Variants in SLC39A11 observed in about 807,000 individuals in gnomAD.
SLC39A11 encodes the protein solute carrier family 39 member 11, also known as zinc transporter ZIP11.
SLC39A11 carries 33 observed loss-of-function variants against 36.1 expected under a neutral mutation model. That is an observed-to-expected ratio of 0.91 (90% CI 0.69 to 1.22). SLC39A11 has a LOEUF of 1.22. SLC39A11 is among the 50% of genes most tolerant of loss of function. SLC39A11 has a pLI of 0.00. For missense variants in SLC39A11, 432 were observed against 430.3 expected, an observed-to-expected ratio of 1.00 and a Z score of -0.03; for synonymous variants, 166 against 170.3, an observed-to-expected ratio of 0.97 and a Z score of 0.20.
At chr17:72,910,798 G>A (rs1381492957) in intron 5 of SLC39A11, among the ~76,000 whole-genome samples, 2 of 151,416 alleles carry the variant, frequency 1.3e-5, no homozygotes, top group Middle Eastern at 3.4e-3. Context: ...GTGATGGCAG[G>A]CACCTTTAAT....
intron 4 of SLC39A11, among the ~76,000 whole-genome samples, chr17:72,972,253 G>T (rs1186512600): frequency 7.2e-5 from 11 of 152,120 alleles, no homozygotes; most frequent in Admixed American, 7.2e-4. Context: ...GGCCCATCAT[G>T]TCCAGAGAGC....
intron 6 of SLC39A11, among the ~76,000 whole-genome samples, chr17:72,838,543 T>A (rs1268772299): frequency 6.6e-6 from 1 of 152,194 alleles, no homozygotes; most frequent in Admixed American, 6.5e-5. Flanking sequence ...AATTGTGAAC[T>A]TTAAAAGGGT....
intron 2 of SLC39A11, among the ~76,000 whole-genome samples, chr17:73,085,529 G>C (rs9302954): frequency 0.8 from 120,830 of 151,658 alleles, 48,227 homozygotes; most frequent in East Asian, 0.88. Context: ...GCCTGTAATC[G>C]CAGCTACTTG....
intron 6 of SLC39A11, among the ~76,000 whole-genome samples, chr17:72,790,075 C>A (rs1268283140): frequency 3.3e-5 from 5 of 152,234 alleles, no homozygotes; most frequent in African/African-American, 1.2e-4. Context: ...AGGGAGGCTA[C>A]TTATCTGCTG....
At position 73,043,609 on chromosome 17, in the gene SLC39A11, C is replaced by T. The variant is rs2059178545; in HGVS notation, c.148-11895G>A. Among the ~76,000 whole-genome samples the T allele has an allele frequency of 3.3e-5, 5 of 152,110 alleles. No individual in the cohort carries two copies. In the South Asian group the frequency reaches 1.0e-3, roughly 31 times the overall value. On this transcript the variant is annotated intron_variant, in intron 3 of 9. Transcript: ENST00000255559. ...TTTTGGAAGGGTAACTTGGCATCAG[C>T]AAGCAGAATTGATTTAAGTGGGGAG...
At chr17:72,745,373 A>G (rs1439129672) in intron 6 of SLC39A11, among the ~76,000 whole-genome samples, 9 of 152,240 alleles carry the variant, frequency 5.9e-5, no homozygotes, top group Non-Finnish European at 1.0e-4. Flanking sequence ...CTGTCAGATC[A>G]TCTCAGCAAT....
At position 72,684,905 on chromosome 17, in the gene SLC39A11, C is replaced by T. The variant is rs111232248; in HGVS notation, c.672-35637G>A. On this transcript the variant is annotated intron_variant, in intron 7 of 9. Transcript: ENST00000255559. ...GCACACAAGTTTGTCTCAGGCCCCCCGGGGGTTCTGATGACACGTTAAGCT... is the reference window on the plus strand; with the variant it reads ...GCACACAAGTTTGTCTCAGGCCCCCTGGGGGTTCTGATGACACGTTAAGCT... Among the ~76,000 whole-genome samples the T allele has an allele frequency of 3.3e-5, 5 of 152,236 alleles. 1 individual carries two copies. Among genetic ancestry groups the T allele is most frequent in the African/African-American group, 1.2e-4 (5 of 41,514 alleles).
intron 6 of SLC39A11, among the ~76,000 whole-genome samples, chr17:72,800,033 T>C (rs1035493916): frequency 2.6e-5 from 4 of 152,134 alleles, no homozygotes; most frequent in Non-Finnish European, 5.9e-5. Flanking sequence ...CTCTTTGTAC[T>C]GTCTCTCTTT....
At chr17:73,080,292 T>C (rs962755597) in intron 3 of SLC39A11, among the ~76,000 whole-genome samples, 2 of 152,130 alleles carry the variant, frequency 1.3e-5, no homozygotes, top group African/African-American at 4.8e-5. Context: ...AATAGACATG[T>C]AGACCAATGG....
At chr17:72,713,031 A>G (rs2073178179) in intron 7 of SLC39A11, 2 of 152,270 alleles carry the variant, frequency 1.3e-5, no homozygotes, top group South Asian at 4.1e-4. Context: ...GGAAGGATGG[A>G]TTAGCAGCTC....
intron 6 of SLC39A11, chr17:72,839,518 G>C (rs1370350915): frequency 2.2e-5 from 1 of 45,848 alleles, no homozygotes; most frequent in Non-Finnish European, 6.2e-5. Context: ...TGCAGAAGCT[G>C]GAAGAGGCCA....
intron 6 of SLC39A11, among the ~76,000 whole-genome samples, chr17:72,797,562 T>C (rs377300763): frequency 1.4e-4 from 21 of 152,000 alleles, no homozygotes; most frequent in African/African-American, 3.1e-4. Context: ...AAGTAAAGGG[T>C]TGAGGAGGGC....
rs143987646 is a variant in SLC39A11 at position 72,967,399 on chromosome 17, A to AGAGAGAGAGAGAGAGT, written c.307-19525_307-19524insACTCTCTCTCTCTCTC. On this transcript the variant is annotated intron_variant, in intron 4 of 9. Transcript: ENST00000255559. ...GAGAGAGAGAGAGAGAGAGAGAGAG[A>AGAGAGAGAGAGAGAGT]GTGTGTGTGTGTGTGTGTTTTCCTT... Among the ~76,000 whole-genome samples, 341 of 138,196 alleles carry AGAGAGAGAGAGAGAGT rather than the reference A, an allele frequency of 2.5e-3. 1 individual carries two copies. Among genetic ancestry groups the AGAGAGAGAGAGAGAGT allele is most frequent in the East Asian group, 8.8e-3 (38 of 4,340 alleles). The allele number at this position is 138,196 out of a possible 152,430, so 90.7% of individuals were successfully genotyped here.
At chr17:73,028,742 A>G (rs1304111876) in intron 4 of SLC39A11, among the ~76,000 whole-genome samples, 1 of 151,626 alleles carries the variant, frequency 6.6e-6, no homozygotes, top group East Asian at 2.0e-4. Context: ...GATTCTATCC[A>G]GGGCTTCCCT....
At chr17:72,771,812 C>T (rs1454972750) in intron 6 of SLC39A11, among the ~76,000 whole-genome samples, 5 of 152,130 alleles carry the variant, frequency 3.3e-5, no homozygotes, top group Admixed American at 6.5e-5. Context: ...TCACATCATG[C>T]TGATTTCAAA....
intron 6 of SLC39A11, among the ~76,000 whole-genome samples, chr17:72,838,854 T>G (rs562522769): frequency 6.6e-6 from 1 of 152,270 alleles, no homozygotes; most frequent in East Asian, 1.9e-4. Flanking sequence ...AACTGAGGGA[T>G]AACATGGAGT....
chr17:72,967,497 C>T (rs1188805410), intron 4 of SLC39A11, among the ~76,000 whole-genome samples: 1 of 151,878 alleles, frequency 6.6e-6, no homozygotes, highest in Non-Finnish European at 1.5e-5. Flanking sequence ...AGAGTGCCCG[C>T]CCAGGAAGCA....
chr17:73,087,877 G>A (rs1383631960), intron 2 of SLC39A11, among the ~76,000 whole-genome samples: 1 of 152,110 alleles, frequency 6.6e-6, no homozygotes, highest in Non-Finnish European at 1.5e-5. Context: ...AAAAAAAAGG[G>A]AACAGATGCC....
chr17:73,045,301 G>T (rs2059243788), intron 3 of SLC39A11, among the ~76,000 whole-genome samples: 2 of 139,596 alleles, frequency 1.4e-5, no homozygotes, highest in South Asian at 4.6e-4. Flanking sequence ...GTTCCATACA[G>T]CAAGGCAACC....
Sources: gnomAD v4.1 joint callset for allele counts (sites outside exome capture counted in the v4.1 genomes callset) on GRCh38, gnomAD v4.1.1 for gene constraint, MANE v1.5 for transcripts, NCBI Gene and HGNC (gene_info 2026-07-23, HGNC 2026-07-21) for gene names.